PAK6: variants seen among roughly 807,000 people sequenced by gnomAD.
The protein encoded by PAK6 is p21 (RAC1) activated kinase 6, also known as serine/threonine-protein kinase PAK 6.
A neutral mutation model predicts 60.8 loss-of-function variants in PAK6; 33 were observed. The ratio of observed to expected loss-of-function variants is 0.54; its 90% CI spans 0.41 to 0.73. PAK6 has a LOEUF of 0.73. Among genes scored for constraint, PAK6 ranks in the 30% least tolerant of loss-of-function variants. The probability of loss-of-function intolerance (pLI) is 0.00; values close to 1 mark genes in which losing one functional copy is unlikely to be tolerated. For synonymous variants in PAK6, 404 were observed against 378.5 expected (o/e 1.07, Z -0.78); for missense variants, 845 against 904.1 (o/e 0.93, Z 0.84).
In PAK6 at chr15:40,266,316, G is replaced by T. The variant is rs781727329; in HGVS notation, c.679G>T (p.Ala227Ser). 6.2e-6 allele frequency: 10 copies of T among 1,611,952 alleles called. No homozygotes were observed. The East Asian group carries it at 2.0e-4, about 32-fold the overall frequency. The change falls in exon 5 of 11, where the codon GCC (alanine) becomes TCC (serine). Residue 227 changes from alanine to serine, a missense_variant. Coordinates refer to ENST00000560346, the Ensembl canonical transcript of PAK6. ...GGCTGCCAAGCATGGCTCTGAGGAGGCCCGGCCACAGTCCTGCCTGGTGGG... is the reference window on the plus strand; with the variant it reads ...GGCTGCCAAGCATGGCTCTGAGGAGTCCCGGCCACAGTCCTGCCTGGTGGG...
chr15:40,257,747 G>A (rs908276578), intron 3 of PAK6, among the ~76,000 whole-genome samples: 20 of 152,184 alleles, frequency 1.3e-4, no homozygotes. Flanking sequence ...TGGCATCCCA[G>A]GGCCTGGCCC....
intron 5 of PAK6, among the ~76,000 whole-genome samples, chr15:40,267,756 T>C (rs2039186732): frequency 6.6e-6 from 1 of 152,132 alleles, no homozygotes; most frequent in South Asian, 2.1e-4. Flanking sequence ...TGTGGCTTGA[T>C]GTATCTGTGA....
At chr15:40,276,204 T>A (rs2039451494) in exon 11 of PAK6, 1 of 1,086,892 alleles carries the variant, frequency 9.2e-7, no homozygotes, top group African/African-American at 1.5e-5. Context: ...CTCCAAAGAT[T>A]GAAATGTGAA....
chr15:40,265,491 ATC>A (rs956870351), intron 4 of PAK6, among the ~76,000 whole-genome samples: 5 of 152,094 alleles, frequency 3.3e-5, no homozygotes, highest in African/African-American at 1.2e-4. Flanking sequence ...GGCTGGGCAC[ATC>A]TCTCCCAGCC....
rs2039364099 is a variant in PAK6, at chr15:40,273,389, C to T, written c.1534C>T (p.Gln512Ter). The change falls in exon 8 of 11, where the codon CAG becomes TAG. Residue 512 changes from glutamine to a stop codon, truncating the protein, a stop_gained. Coordinates refer to ENST00000560346, the Ensembl canonical transcript of PAK6. LOFTEE classifies it high-confidence loss of function. ...TGCCACTGTGTGTGAGGCTGTGCTG[C>T]AGGCCCTGGCCTACCTGCATGCTCA... 2.5e-6 allele frequency: 4 copies of T among 1,613,986 alleles called. No individual in the cohort carries two copies. Among genetic ancestry groups the T allele is most frequent in the East Asian group, 2.2e-5 (1 of 44,878 alleles).
exon 4 of PAK6, chr15:40,264,839 C>G: frequency 6.2e-7 from 1 of 1,614,036 alleles, no homozygotes; most frequent in Non-Finnish European, 8.5e-7. Context: ...CACAGAACTT[C>G]CAGCACCGTG....
chr15:40,269,154 G>T (rs1257823959), intron 5 of PAK6, among the ~76,000 whole-genome samples: 1 of 152,110 alleles, frequency 6.6e-6, no homozygotes, highest in Non-Finnish European at 1.5e-5. Context: ...AAGTAGCTGG[G>T]ATTACAGGCA....
Position 40,244,403 on chromosome 15 carries a change from A to ATT in PAK6, c.-118+3732_-118+3733dup, listed in dbSNP as rs146019058. Among the ~76,000 whole-genome samples, 666 of 136,662 alleles carry ATT rather than the reference A, an allele frequency of 4.9e-3. 6 individuals carry two copies. Among genetic ancestry groups the ATT allele is most frequent in the African/African-American group, 0.017 (628 of 36,612 alleles). 89.7% of individuals were successfully genotyped at this position (136,662 alleles called of 152,430 possible). A position where few individuals can be genotyped will look rare whatever the true frequency, so the allele number is the denominator to read the frequency against. Reference sequence around the variant, plus strand: ...TTTTGTTTTCTCTTTTTTTCTTTTTATTTTTTTTTTTGAGACAGAGTTTCG... The same window carrying ATT: ...TTTTGTTTTCTCTTTTTTTCTTTTTATTTTTTTTTTTTTGAGACAGAGTTTCG... On this transcript the variant is annotated intron_variant, in intron 2 of 10. Transcript: ENST00000560346.
At chr15:40,275,879 C>T (rs183121935) in intron 10 of PAK6, 48 bp from the exon 11 acceptor site, 21 of 1,562,444 alleles carry the variant, frequency 1.3e-5, no homozygotes, top group African/African-American at 8.2e-5. Flanking sequence ...CAGGTCACCC[C>T]GAAGTGACTG....
intron 2 of PAK6, 122 bp from the exon 3 acceptor site, chr15:40,253,056 A>G (rs2038731863): frequency 5.2e-6 from 2 of 387,232 alleles, no homozygotes; most frequent in East Asian, 7.6e-5. Context: ...CACCTGAGCC[A>G]GGAGTTCAGT....
exon 10 of PAK6, chr15:40,274,219 G>A (rs754628888): frequency 2.5e-6 from 4 of 1,613,648 alleles, no homozygotes; most frequent in East Asian, 2.2e-5. Context: ...ACTCCCCAGT[G>A]CAAGCCATGA....
intron 5 of PAK6, among the ~76,000 whole-genome samples, chr15:40,270,724 G>A (rs1268980164): frequency 6.6e-6 from 1 of 152,234 alleles, no homozygotes; most frequent in Non-Finnish European, 1.5e-5. Flanking sequence ...GGCAGTCCTG[G>A]GAGGATTGCT....
At chr15:40,245,267 G>A (rs1003138712) in intron 2 of PAK6, 13 of 152,286 alleles carry the variant, frequency 8.5e-5, no homozygotes, top group East Asian at 3.8e-4. Flanking sequence ...CCAGTGCAGC[G>A]GGGACCAGCC....
At chr15:40,272,768 G>A (rs1330431396) in intron 6 of PAK6, 47 bp downstream of exon 6, 1 of 1,579,608 alleles carries the variant, frequency 6.3e-7, no homozygotes, top group Non-Finnish European at 8.6e-7. Context: ...GGGATGGGCA[G>A]TGAGCAGCCA....
At chr15:40,258,120 C>A (rs1010618914) in intron 3 of PAK6, among the ~76,000 whole-genome samples, 2 of 152,202 alleles carry the variant, frequency 1.3e-5, no homozygotes, top group Non-Finnish European at 2.9e-5. Flanking sequence ...TGGAAAAACA[C>A]CTGGTTCCTT....
At chr15:40,263,313 C>G (rs2039032407) in intron 3 of PAK6, among the ~76,000 whole-genome samples, 1 of 152,202 alleles carries the variant, frequency 6.6e-6, no homozygotes. Context: ...GTGACCTTTT[C>G]AGATACATAA....
intron 4 of PAK6, 49 bp downstream of exon 4, chr15:40,265,038 C>G: frequency 6.5e-7 from 1 of 1,549,454 alleles, no homozygotes; most frequent in African/African-American, 1.4e-5. Context: ...AGTACTCAGA[C>G]AACCATGCCT....
intron 2 of PAK6, 98 bp from the exon 3 acceptor site, chr15:40,253,080 C>T (rs527876855): frequency 7.8e-5 from 31 of 398,894 alleles, no homozygotes; most frequent in Non-Finnish European, 1.3e-4. Flanking sequence ...GAGGCGGGCG[C>T]GGAGCGGTTC....
At chr15:40,252,683 G>A (rs1271845596) in intron 2 of PAK6, 2 of 1,310,204 alleles carry the variant, frequency 1.5e-6, no homozygotes, top group Non-Finnish European at 2.0e-6. Context: ...TGGGCTTCCC[G>A]CTCCGCAGGT....
Sources: gnomAD v4.1 joint callset for allele counts (sites outside exome capture counted in the v4.1 genomes callset) on GRCh38, gnomAD v4.1.1 for gene constraint, MANE v1.5 for transcripts, NCBI Gene and HGNC (gene_info 2026-07-23, HGNC 2026-07-21) for gene names.